TMEM232: variants seen among roughly 807,000 people sequenced by gnomAD.
The protein encoded by TMEM232 is transmembrane protein 232.
A neutral mutation model predicts 78.8 loss-of-function variants in TMEM232; 80 were observed. That is an observed-to-expected ratio of 1.01 (90% CI 0.85 to 1.22). The LOEUF is 1.22. TMEM232 is among the 50% of genes most tolerant of loss of function. The probability of loss-of-function intolerance (pLI) is 0.00; values close to 1 mark genes in which losing one functional copy is unlikely to be tolerated. For synonymous variants in TMEM232, 297 were observed against 254.3 expected (o/e 1.17, Z -1.60); for missense variants, 881 against 742.2 (o/e 1.19, Z -2.17).
intron 2 of TMEM232, among the ~76,000 whole-genome samples, chr5:110,402,323 G>A (rs1293326116): frequency 6.6e-6 from 1 of 152,004 alleles, no homozygotes; most frequent in Non-Finnish European, 1.5e-5. Flanking sequence ...ACATCTTGCT[G>A]CAGTCTTACA....
In TMEM232 at chr5:110,601,924, C is replaced by T. The variant is rs188619017; in HGVS notation, c.1276+3185G>A. ...TACAAGGCTATAGTAACCACAACAGCATGGTACTGGTACCAAAACAGATAT... is the reference window on the plus strand; with the variant it reads ...TACAAGGCTATAGTAACCACAACAGTATGGTACTGGTACCAAAACAGATAT... On this transcript the variant is annotated intron_variant, in intron 10 of 13. Transcript: ENST00000455884. Among the ~76,000 whole-genome samples the T allele has an allele frequency of 2.1e-3, 324 of 152,268 alleles. 2 individuals carry two copies. The highest frequency in any genetic ancestry group is 7.4e-3 in the African/African-American group (307 of 41,562).
Position 110,606,198 on chromosome 5 carries a change from T to C in TMEM232, c.992A>G (p.Asp331Gly). 6.5e-7 allele frequency: 1 copy of C among 1,548,292 alleles called. No individual in the cohort carries two copies. Among genetic ancestry groups the C allele is most frequent in the African/African-American group, 1.4e-5 (1 of 73,106 alleles). Residue 331 changes from aspartate to glycine, a missense_variant, in exon 9 of 14, where the codon GAT becomes GGT. Coordinates refer to ENST00000455884, the MANE Select transcript of TMEM232 (RefSeq NM_001039763.4). ...AACAGACATAATGCTTGAAACAAAA[T>C]CTCTCACTACGTCCATTAAAGCTTT... ...CLKALMDVVRDFVSSIMSVQN... is the reference protein window; with the variant it reads ...CLKALMDVVRGFVSSIMSVQN...
chr5:110,468,326 AATTT>A (rs201422053), intron 12 of TMEM232, among the ~76,000 whole-genome samples: 3,145 of 152,186 alleles, frequency 0.021, 74 homozygotes, highest in African/African-American at 0.059. Context: ...AAGTTTAAAG[AATTT>A]ATTACTAGCA....
intron 11 of TMEM232, among the ~76,000 whole-genome samples, chr5:110,557,055 G>A (rs1160557841): frequency 6.6e-6 from 1 of 152,018 alleles, no homozygotes; most frequent in East Asian, 1.9e-4. Flanking sequence ...ATTTCTTGGA[G>A]GTTTTGTTCA....
chr5:110,549,128 AAATT>A (rs1774141735), intron 11 of TMEM232, among the ~76,000 whole-genome samples: 1 of 152,182 alleles, frequency 6.6e-6, no homozygotes, highest in South Asian at 2.1e-4. Flanking sequence ...ATGTGAAAGT[AAATT>A]AATAGTGTAC....
At chr5:110,612,109 T>C (rs1318245993) in intron 8 of TMEM232, among the ~76,000 whole-genome samples, 2 of 152,170 alleles carry the variant, frequency 1.3e-5, no homozygotes, top group African/African-American at 2.4e-5. Flanking sequence ...ATGTTTTTCA[T>C]ATTACTTATC....
intron 2 of TMEM232, among the ~76,000 whole-genome samples, chr5:110,657,532 G>A (rs1242887410): frequency 6.6e-6 from 1 of 152,062 alleles, no homozygotes. Flanking sequence ...ACTCATATGT[G>A]GAATCTTAAA....
intron 12 of TMEM232, among the ~76,000 whole-genome samples, chr5:110,517,838 T>A (rs1768897991): frequency 6.6e-6 from 1 of 152,246 alleles, no homozygotes; most frequent in Non-Finnish European, 1.5e-5. Flanking sequence ...TTTAATGAAC[T>A]GCAGGCTCTG....
chr5:110,652,769 G>C (rs901046204), intron 2 of TMEM232, among the ~76,000 whole-genome samples: 2 of 127,204 alleles, frequency 1.6e-5, no homozygotes, highest in African/African-American at 5.6e-5. Flanking sequence ...CTTCTAAAAA[G>C]TAAATACAGG....
At chr5:110,708,059 G>A (rs1046969564) in intron 1 of TMEM232, among the ~76,000 whole-genome samples, 3 of 152,128 alleles carry the variant, frequency 2.0e-5, no homozygotes, top group African/African-American at 7.2e-5. Context: ...AAGACATGCT[G>A]ACTCCAGGTG....
intron 12 of TMEM232, among the ~76,000 whole-genome samples, chr5:110,434,693 G>C (rs1302226269): frequency 6.6e-6 from 1 of 152,018 alleles, no homozygotes; most frequent in African/African-American, 2.4e-5. Flanking sequence ...AACATAGATA[G>C]AAAAATCCTC....
chr5:110,538,150 C>A (rs1203496343), intron 11 of TMEM232, among the ~76,000 whole-genome samples: 1 of 152,090 alleles, frequency 6.6e-6, no homozygotes, highest in Non-Finnish European at 1.5e-5. Flanking sequence ...TTACACAAGC[C>A]AAGGAGGACA....
intron 12 of TMEM232, among the ~76,000 whole-genome samples, chr5:110,474,615 A>C (rs1295460128): frequency 6.6e-6 from 1 of 151,996 alleles, no homozygotes; most frequent in Admixed American, 6.6e-5. Flanking sequence ...TTTAAAGAAC[A>C]GAAAAAATTG....
At chr5:110,628,171 C>A (rs998126962) in intron 5 of TMEM232, among the ~76,000 whole-genome samples, 2 of 151,824 alleles carry the variant, frequency 1.3e-5, no homozygotes, top group East Asian at 1.9e-4. Context: ...TCAAGTCATG[C>A]CCCTTAAGTG....
intron 11 of TMEM232, among the ~76,000 whole-genome samples, chr5:110,566,066 T>A (rs10042707): frequency 1.7e-3 from 255 of 152,010 alleles, no homozygotes; most frequent in African/African-American, 5.9e-3. Context: ...AATAAAAGTT[T>A]CCCTCATTTT....
intron 10 of TMEM232, among the ~76,000 whole-genome samples, chr5:110,581,849 G>C (rs1778243740): frequency 6.6e-6 from 1 of 150,946 alleles, no homozygotes; most frequent in African/African-American, 2.4e-5. Flanking sequence ...AATGGGCAAG[G>C]ACATGAACAG....
chr5:110,655,179 A>G (rs575107531), intron 2 of TMEM232, among the ~76,000 whole-genome samples: 3 of 152,296 alleles, frequency 2.0e-5, no homozygotes, highest in Non-Finnish European at 2.9e-5. Context: ...ATTATCCAGA[A>G]TCTACAATGA....
At position 110,414,241 on chromosome 5, in the gene TMEM232, G is replaced by A. The variant is rs888286140; in HGVS notation, n.308+10582C>T. On this transcript the variant is annotated intron_variant and non_coding_transcript_variant, in intron 2 of 8. Transcript: ENST00000507188. ...TATATCATATTTTTATTTTTTGCTT[G>A]TTTTACACACACACATACAAGTGCA... is the stretch of plus-strand genomic sequence containing the variant. Among the ~76,000 whole-genome samples, 10 of 151,978 alleles carry A rather than the reference G, an allele frequency of 6.6e-5. 1 individual carries two copies. In the East Asian group the frequency reaches 7.7e-4, roughly 12 times the overall value.
At chr5:110,638,743 C>T (rs114480358) in intron 4 of TMEM232, among the ~76,000 whole-genome samples, 4,345 of 152,102 alleles carry the variant, frequency 0.029, 164 homozygotes, top group African/African-American at 0.088. Context: ...TCACCAAGGT[C>T]GAGAGGCTAG....
Sources: allele counts gnomAD v4.1 joint callset (sites outside exome capture counted in the v4.1 genomes callset), GRCh38; gene constraint gnomAD v4.1.1; transcripts MANE v1.5; gene names NCBI Gene and HGNC (gene_info 2026-07-23, HGNC 2026-07-21).